BTD: variants seen among roughly 807,000 people sequenced by gnomAD.
The protein encoded by BTD is biocytinase.
BTD carries 13 observed loss-of-function variants against 17.7 expected under a neutral mutation model. The ratio of observed to expected loss-of-function variants is 0.74; its 90% CI spans 0.48 to 1.17. The LOEUF is 1.17. BTD is among the 50% of genes most tolerant of loss of function. The pLI is 0.00. For synonymous variants in BTD, 240 were observed against 245.2 expected (o/e 0.98, Z 0.20); for missense variants, 674 against 650.4 (o/e 1.04, Z -0.39).
intron 3 of BTD, chr3:15,677,359 C>G: frequency 1.4e-6 from 1 of 702,610 alleles, no homozygotes. Context: ...TTCAAGAAAT[C>G]TAATACCAGT....
upstream of BTD, chr3:15,601,364 C>T: frequency 6.2e-7 from 1 of 1,614,030 alleles, no homozygotes; most frequent in Non-Finnish European, 8.5e-7. Flanking sequence ...GCCTTTCATT[C>T]CAGGAAGGTC....
intron 3 of BTD, chr3:15,679,511 C>A (rs377505683): frequency 1.4e-5 from 22 of 1,613,766 alleles, no homozygotes; most frequent in Non-Finnish European, 1.6e-5. Flanking sequence ...CATTTCCTTC[C>A]GTTTTCTGGA....
intron 3 of BTD, chr3:15,694,647 T>A: frequency 9.4e-7 from 1 of 1,059,302 alleles, no homozygotes; most frequent in Non-Finnish European, 1.4e-6. Flanking sequence ...GGACCAAAAG[T>A]TTATGGTACT....
At chr3:15,634,917 C>A (rs912454467) in intron 1 of BTD, among the ~76,000 whole-genome samples, 9 of 152,120 alleles carry the variant, frequency 5.9e-5, no homozygotes, top group Admixed American at 2.0e-4. Context: ...CAAAGAAATG[C>A]AGGGAGAATT....
intron 3 of BTD, among the ~76,000 whole-genome samples, chr3:15,693,047 T>A (rs929978057): frequency 1.3e-5 from 2 of 152,080 alleles, no homozygotes; most frequent in Non-Finnish European, 2.9e-5. Flanking sequence ...GTGTCTAGAT[T>A]AGTCAAATTC....
At chr3:15,631,562 A>G (rs1487056641) in intron 1 of BTD, 10 of 1,328,446 alleles carry the variant, frequency 7.5e-6, no homozygotes, top group Non-Finnish European at 9.4e-6. Context: ...TACATGAAAT[A>G]GATTTCCATG....
chr3:15,643,098 T>C (rs1364195864), intron 3 of BTD, among the ~76,000 whole-genome samples: 1 of 151,952 alleles, frequency 6.6e-6, no homozygotes, highest in African/African-American at 2.4e-5. Flanking sequence ...TTTTAAATTA[T>C]ATTAAAGAGT....
chr3:15,694,077 G>T (rs1028351520), intron 3 of BTD, among the ~76,000 whole-genome samples: 1 of 151,988 alleles, frequency 6.6e-6, no homozygotes, highest in African/African-American at 2.4e-5. Flanking sequence ...ACTCTAACAT[G>T]CTTTGTCTCA....
chr3:15,636,328 G>T (rs2065347323), intron 2 of BTD, among the ~76,000 whole-genome samples: 1 of 152,188 alleles, frequency 6.6e-6, no homozygotes, highest in African/African-American at 2.4e-5. Flanking sequence ...CGCCCAGATA[G>T]AACTGACCCC....
At chr3:15,694,016 C>T (rs939003085) in intron 3 of BTD, among the ~76,000 whole-genome samples, 1 of 152,054 alleles carries the variant, frequency 6.6e-6, no homozygotes, top group East Asian at 1.9e-4. Context: ...TCACAAACAC[C>T]TGGTGAGAGT....
At chr3:15,628,168 T>C (rs1227654407) in intron 1 of BTD, among the ~76,000 whole-genome samples, 1 of 152,260 alleles carries the variant, frequency 6.6e-6, no homozygotes, top group African/African-American at 2.4e-5. Context: ...GTAATGGGAC[T>C]TGATGTAGTG....
At chr3:15,671,489 A>C (rs1303359153) in intron 3 of BTD, among the ~76,000 whole-genome samples, 1 of 152,030 alleles carries the variant, frequency 6.6e-6, no homozygotes, top group Non-Finnish European at 1.5e-5. Context: ...CCCAGTCGTT[A>C]CACCTTTCTT....
chr3:15,644,695 C>T lies in BTD; in HGVS notation c.779C>T (p.Ala260Val). 3 of 1,614,206 alleles carry T rather than the reference C, an allele frequency of 1.9e-6. No homozygotes were observed. Among genetic ancestry groups the T allele is most frequent in the Non-Finnish European group, 1.7e-6 (2 of 1,180,052 alleles). Residue 260 changes from alanine to valine, a missense_variant, in exon 4 of 4, where the codon GCA becomes GTA. Coordinates refer to ENST00000643237, the MANE Select transcript of BTD (RefSeq NM_001370658.1). ...TGGATGAACCAGCTCCCACTCTTGGCAGCAATTGAGATTCAGAAAGCTTTT... is the reference window on the plus strand; with the variant it reads ...TGGATGAACCAGCTCCCACTCTTGGTAGCAATTGAGATTCAGAAAGCTTTT... ...TAWMNQLPLLAAIEIQKAFAV... is the reference protein window; with the variant it reads ...TAWMNQLPLLVAIEIQKAFAV...
At chr3:15,680,265 C>T (rs773067018) in intron 3 of BTD, among the ~76,000 whole-genome samples, 3 of 152,052 alleles carry the variant, frequency 2.0e-5, no homozygotes, top group African/African-American at 7.2e-5. Context: ...AGTGCAGTGG[C>T]GCGATCTTGG....
In BTD at chr3:15,648,137, C is replaced by A. The variant is rs897657537; in HGVS notation, c.*2649C>A. On this transcript the variant is annotated 3_prime_UTR_variant, in exon 4 of 4. Coordinates refer to ENST00000643237, the MANE Select transcript of BTD (RefSeq NM_001370658.1). ...ACTGGCTAGTAGCCCAGGAGGTGTCCCTGCACAGAAGATCTCCTCAGAGAG... is the reference window on the plus strand; with the variant it reads ...ACTGGCTAGTAGCCCAGGAGGTGTCACTGCACAGAAGATCTCCTCAGAGAG... 6.6e-6 allele frequency among the ~76,000 whole-genome samples: 1 copy of A among 152,198 alleles called. No homozygotes were observed. Among genetic ancestry groups the A allele is most frequent in the Non-Finnish European group, 1.5e-5 (1 of 68,040 alleles).
At chr3:15,661,529 T>C (rs749345864) in intron 3 of BTD, among the ~76,000 whole-genome samples, 1 of 152,146 alleles carries the variant, frequency 6.6e-6, no homozygotes, top group African/African-American at 2.4e-5. Flanking sequence ...GTTTTAAGGG[T>C]TCTTTGTATA....
chr3:15,605,709 T>G (rs538264697), intron 1 of BTD, among the ~76,000 whole-genome samples: 13 of 152,224 alleles, frequency 8.5e-5, no homozygotes, highest in African/African-American at 2.6e-4. Context: ...AAAATGACAT[T>G]TTAAACTGCT....
intron 3 of BTD, among the ~76,000 whole-genome samples, chr3:15,701,419 C>T (rs1019403988): frequency 3.3e-5 from 5 of 152,034 alleles, no homozygotes; most frequent in Admixed American, 6.6e-5. Context: ...CGGAGGTGGG[C>T]GGAACACCTG....
chr3:15,720,820 T>C, intron 4 of BTD: 2 of 1,110,022 alleles, frequency 1.8e-6, no homozygotes, highest in Non-Finnish European at 2.6e-6. Flanking sequence ...CTTGAGTTTA[T>C]CAATATTCCT....
Sources: allele counts gnomAD v4.1 joint callset (sites outside exome capture counted in the v4.1 genomes callset), GRCh38; gene constraint gnomAD v4.1.1; transcripts MANE v1.5; gene names NCBI Gene and HGNC (gene_info 2026-07-23, HGNC 2026-07-21).